Variants in TNNT2 observed in about 807,000 individuals in gnomAD.
TNNT2 encodes troponin T2, cardiac type.
In TNNT2, 34 loss-of-function variants were observed where a neutral mutation model predicts 62.4. That is an observed-to-expected ratio of 0.54 (90% CI 0.41 to 0.72). The LOEUF (loss-of-function observed/expected upper bound fraction) is 0.72. TNNT2 is among the 30% of genes least tolerant of loss of function. The pLI, the probability that TNNT2 is intolerant of heterozygous loss-of-function variation, is 0.00. For synonymous variants in TNNT2, 123 were observed against 127.2 expected (o/e 0.97, Z 0.22); for missense variants, 275 against 381.9 (o/e 0.72, Z 2.33).
At chr1:201,362,096 T>TG (rs766610284) in intron 13 of TNNT2, 74 bp from the exon 14 acceptor site, 1 of 1,530,568 alleles carries the variant, frequency 6.5e-7, no homozygotes, top group Non-Finnish European at 9.0e-7. Flanking sequence ...CCAAACCCCC[T>TG]GGGGGTGGAG....
At chr1:201,361,238 G>A (rs2275862) in intron 15 of TNNT2, 41 bp downstream of exon 15, 2 of 1,587,860 alleles carry the variant, frequency 1.3e-6, no homozygotes, top group Non-Finnish European at 1.7e-6. Context: ...CAGGAGGAGT[G>A]TGAGATGGAG....
chr1:201,361,428 C>A, intron 14 of TNNT2, 59 bp from the exon 15 acceptor site: 1 of 1,468,912 alleles, frequency 6.8e-7, no homozygotes, highest in Non-Finnish European at 9.5e-7. Flanking sequence ...CCTGGGCCTC[C>A]GTCCTGGTCC....
rs1571585471 is a variant in TNNT2 at position 201,359,082 on chromosome 1, A to C, written c.*128T>G. ...GGGGCAGGCAGGAGTGGTGGCTCCC[A>C]CCTAGGCCAGCTCCCCATTTCCAAA... On this transcript the variant is annotated 3_prime_UTR_variant, in exon 17 of 17. Coordinates refer to ENST00000656932, the MANE Select transcript of TNNT2 (RefSeq NM_001276345.2). 8.0e-7 allele frequency: 1 copy of C among 1,254,550 alleles called. No homozygotes were observed. The highest frequency in any genetic ancestry group is 1.3e-5 in the South Asian group (1 of 78,072). 77.7% of individuals were successfully genotyped at this position (1,254,550 alleles called of 1,614,324 possible). A position where few individuals can be genotyped will look rare whatever the true frequency, so the allele number is the denominator to read the frequency against.
intron 8 of TNNT2, chr1:201,366,279 G>T: frequency 9.8e-7 from 1 of 1,024,452 alleles, no homozygotes. Context: ...AATGGGAAGA[G>T]CCTGTGAGTG....
chr1:201,365,320 C>G lies in TNNT2; in HGVS notation c.295-13G>C, dbSNP rs764804961. The G allele has an allele frequency of 6.2e-7, 1 of 1,608,350 alleles. No homozygotes were observed. ...TCCGGTGGATGTCCTGTGGGTGGACCGCTGCGGCTCAGAGGCTGCCACTCC... is the reference window on the plus strand; with the variant it reads ...TCCGGTGGATGTCCTGTGGGTGGACGGCTGCGGCTCAGAGGCTGCCACTCC... On this transcript the variant is annotated splice_polypyrimidine_tract_variant and intron_variant, in intron 9 of 16. Coordinates refer to ENST00000656932, the MANE Select transcript of TNNT2 (RefSeq NM_001276345.2).
rs531287025 is a variant in TNNT2 at position 201,365,875 on chromosome 1, T to C, written c.234-205A>G. The C allele has an allele frequency of 1.2e-4, 176 of 1,444,520 alleles. No homozygotes were observed. In the Middle Eastern group the frequency reaches 2.8e-3, roughly 23 times the overall value. The allele number at this position is 1,444,520 out of a possible 1,614,324, so 89.5% of individuals were successfully genotyped here. A position where few individuals can be genotyped will look rare whatever the true frequency, so the allele number is the denominator to read the frequency against. ...GGAATACACAAAGCTCTTTCACATA[T>C]GCTATTTCACTTCATGCTCATGATA... On this transcript the variant is annotated intron_variant, in intron 8 of 16. Coordinates refer to ENST00000656932, the MANE Select transcript of TNNT2 (RefSeq NM_001276345.2).
chr1:201,363,757 G>T, intron 11 of TNNT2: 3 of 394,096 alleles, frequency 7.6e-6, no homozygotes, highest in Middle Eastern at 7.8e-4. Flanking sequence ...AAGGGATGAG[G>T]GCTGGAGAGT....
intron 1 of TNNT2, among the ~76,000 whole-genome samples, chr1:201,375,534 T>C (rs931628412): frequency 1.3e-5 from 2 of 151,944 alleles, no homozygotes; most frequent in African/African-American, 4.8e-5. Flanking sequence ...CAAGCCTCAT[T>C]CTGCTGAAAA....
At chr1:201,372,224 A>T in intron 2 of TNNT2, 69 bp from the exon 3 acceptor site, 6 of 1,603,580 alleles carry the variant, frequency 3.7e-6, no homozygotes, top group Non-Finnish European at 2.6e-6. Context: ...GCCTGCACAC[A>T]CATGCACACA....
At chr1:201,369,712 G>A (rs1021835329) in intron 5 of TNNT2, 104 bp downstream of exon 5, 31 of 1,423,924 alleles carry the variant, frequency 2.2e-5, no homozygotes, top group South Asian at 4.6e-5. Context: ...CGTCCCTGCC[G>A]CCTACTCACA....
intron 1 of TNNT2, chr1:201,374,289 G>A (rs753015868): frequency 1.7e-4 from 26 of 152,132 alleles, no homozygotes; most frequent in South Asian, 8.3e-4. Context: ...TTCCCCCAGG[G>A]AACTCATTCT....
At chr1:201,374,770 G>C (rs1661153319) in intron 1 of TNNT2, 1 of 152,244 alleles carries the variant, frequency 6.6e-6, no homozygotes, top group Non-Finnish European at 1.5e-5. Flanking sequence ...GGCCATGACA[G>C]TGCACTGCTC....
At chr1:201,363,681 T>C (rs1659124166) in intron 11 of TNNT2, 3 of 467,386 alleles carry the variant, frequency 6.4e-6, no homozygotes, top group Non-Finnish European at 1.2e-5. Flanking sequence ...GCTCTGGAAA[T>C]GCCTTCAGCA....
At chr1:201,365,570 T>A in intron 9 of TNNT2, 40 bp downstream of exon 9, 1 of 1,603,392 alleles carries the variant, frequency 6.2e-7, no homozygotes, top group Non-Finnish European at 8.5e-7. Flanking sequence ...CTTGGGACTA[T>A]CCCCAGCCCA....
rs1168435601 is a variant in TNNT2 at position 201,367,801 on chromosome 1, C to A, written c.169G>T (p.Glu57Ter). The change falls in exon 7 of 17, where the codon GAA becomes TAA. Residue 57 changes from glutamate (E) to a stop codon, truncating the protein, a stop_gained. Coordinates refer to ENST00000656932, the MANE Select transcript of TNNT2 (RefSeq NM_001276345.2). LOFTEE classifies it high-confidence loss of function. ...GCCTCCTTTGCTTCCTCTTCTTCTTCATCTTCTAAATGAAACACGAGAAAT... is the reference window on the plus strand; with the variant it reads ...GCCTCCTTTGCTTCCTCTTCTTCTTAATCTTCTAAATGAAACACGAGAAAT... The part of the protein sequence containing the change: ...ETEETRAEED[E>*]EEEEAKEAED... 1.2e-6 allele frequency: 2 copies of A among 1,614,184 alleles called. No homozygotes were observed. Among genetic ancestry groups the A allele is most frequent in the Non-Finnish European group, 1.7e-6 (2 of 1,180,028 alleles).
intron 12 of TNNT2, 96 bp from the exon 13 acceptor site, chr1:201,362,490 A>G: frequency 6.8e-7 from 1 of 1,477,050 alleles, no homozygotes; most frequent in African/African-American, 1.4e-5. Context: ...GCAAGGAGAG[A>G]CATGGAAGAG....
intron 8 of TNNT2, chr1:201,365,912 T>C (rs1331129849): frequency 2.2e-6 from 3 of 1,363,438 alleles, no homozygotes; most frequent in Non-Finnish European, 1.9e-6. Context: ...GCCCATGAAG[T>C]GGGTACCGTT....
intron 8 of TNNT2, chr1:201,366,563 G>C (rs978363132): frequency 7.4e-7 from 1 of 1,350,746 alleles, no homozygotes; most frequent in Non-Finnish European, 9.6e-7. Context: ...TGAGAGAGGA[G>C]AGTGTCCGTT....
chr1:201,361,256 G>T, intron 15 of TNNT2, 23 bp downstream of exon 15: 1 of 1,609,378 alleles, frequency 6.2e-7, no homozygotes, highest in Non-Finnish European at 8.5e-7. Context: ...GAGATGCTGG[G>T]CGGGGACAGC....
Sources: allele counts gnomAD v4.1 joint callset (sites outside exome capture counted in the v4.1 genomes callset), GRCh38; gene constraint gnomAD v4.1.1; transcripts MANE v1.5; gene names NCBI Gene and HGNC (gene_info 2026-07-23, HGNC 2026-07-21).